Variants in ANKRD12 observed in about 807,000 individuals in gnomAD.
The protein encoded by ANKRD12 is ankyrin repeat domain 12.
Under a neutral mutation model 183.4 loss-of-function variants are expected in ANKRD12, and 85 were observed. That is an observed-to-expected ratio of 0.46 (90% CI 0.39 to 0.56). The LOEUF is 0.56. Ranked by LOEUF, ANKRD12 falls within the 20% of genes least tolerant of loss-of-function variation. The probability of loss-of-function intolerance (pLI) is 0.00; values close to 1 mark genes in which losing one functional copy is unlikely to be tolerated. For missense variants in ANKRD12, 2,405 were observed against 2,357.1 expected, an observed-to-expected ratio of 1.02 and a Z score of -0.42; for synonymous variants, 914 against 800.2, an observed-to-expected ratio of 1.14 and a Z score of -2.40.
chr18:9,233,488 T>C (rs947445510), intron 8 of ANKRD12, among the ~76,000 whole-genome samples: 1 of 152,122 alleles, frequency 6.6e-6, no homozygotes, highest in African/African-American at 2.4e-5. Context: ...TCTTTTTTCA[T>C]GTTTCCTTTT....
rs1217023823 is a variant in ANKRD12 at position 9,256,332 on chromosome 18, A to C, written c.3065A>C (p.Lys1022Thr). 1 of 1,589,728 alleles carries C rather than the reference A, an allele frequency of 6.3e-7. No homozygotes were observed. Among genetic ancestry groups the C allele is most frequent in the Admixed American group, 1.8e-5 (1 of 54,994 alleles). The change falls in exon 9 of 13, where the codon AAA becomes ACA. Residue 1022 changes from lysine to threonine, a missense_variant. Coordinates refer to ENST00000262126, the MANE Select transcript of ANKRD12 (RefSeq NM_015208.5). The stretch of plus-strand genomic sequence containing the variant: ...GGAAAAGAAAAAGATAAAAAAGATA[A>C]AGATATAGATAGATACAAAGAACGA... The part of the protein sequence containing the change: ...PDGKEKDKKD[K>T]DIDRYKERDK...
chr18:9,255,138 T>TA lies in ANKRD12; in HGVS notation c.1874dup (p.Asp626GlyfsTer2). The TA allele has an allele frequency of 6.3e-7, 1 of 1,581,044 alleles. No individual in the cohort carries two copies. Among genetic ancestry groups the TA allele is most frequent in the Non-Finnish European group, 8.6e-7 (1 of 1,169,444 alleles). ...TTTGGTGAAAAATCAAATGCCAAAATAAAGGATGAAGATCATAGTCCAACA... is the reference window on the plus strand; with the variant it reads ...TTTGGTGAAAAATCAAATGCCAAAATAAAAGGATGAAGATCATAGTCCAACA... On this transcript the variant is annotated frameshift_variant, in exon 9 of 13. Transcript: ENST00000262126. LOFTEE classifies it high-confidence loss of function.
chr18:9,149,790 TA>T (rs869261920), intron 1 of ANKRD12, among the ~76,000 whole-genome samples: 1 of 98,848 alleles, frequency 1.0e-5, no homozygotes, highest in East Asian at 2.8e-4. Flanking sequence ...ATTTATTTAT[TA>T]AATTTTATTT....
At chr18:9,226,815 T>A (rs770443476) in intron 8 of ANKRD12, among the ~76,000 whole-genome samples, 3 of 152,102 alleles carry the variant, frequency 2.0e-5, no homozygotes, top group South Asian at 2.1e-4. Context: ...TCATGAGAAA[T>A]GCTCTTTTTT....
intron 1 of ANKRD12, among the ~76,000 whole-genome samples, chr18:9,140,777 G>A (rs954491808): frequency 5.9e-5 from 9 of 152,252 alleles, no homozygotes; most frequent in Middle Eastern, 3.4e-3. Flanking sequence ...ACCAACCTCA[G>A]TATTGTAGTA....
At chr18:9,225,042 G>A (rs1334128508) in intron 8 of ANKRD12, among the ~76,000 whole-genome samples, 2 of 151,624 alleles carry the variant, frequency 1.3e-5, no homozygotes, top group East Asian at 3.9e-4. Flanking sequence ...ATTAGAGCAA[G>A]CTCCTGCCTC....
chr18:9,180,717 T>C (rs899262410), intron 1 of ANKRD12, among the ~76,000 whole-genome samples: 1 of 152,210 alleles, frequency 6.6e-6, no homozygotes, highest in African/African-American at 2.4e-5. Context: ...AATCCAATTG[T>C]GATTTTTATT....
chr18:9,256,013 C>T lies in ANKRD12; in HGVS notation c.2746C>T (p.Pro916Ser), dbSNP rs551699901. Reference protein sequence around the residue: ...KMDRKHDKEKPEKERHLAESK... With the variant: ...KMDRKHDKEKSEKERHLAESK... ...GGATAGGAAACATGACAAAGAAAAG[C>T]CTGAAAAAGAGAGGCATCTAGCAGA... The change falls in exon 9 of 13, where the codon CCT becomes TCT. Residue 916 changes from proline (P) to serine (S), a missense_variant. Coordinates refer to ENST00000262126, the MANE Select transcript of ANKRD12 (RefSeq NM_015208.5). 1.6e-5 allele frequency: 25 copies of T among 1,546,880 alleles called. 1 individual carries two copies. The Admixed American group carries it at 5.0e-4, about 31-fold the overall frequency.
chr18:9,284,376 T>C lies in ANKRD12; in HGVS notation c.*3250T>C, dbSNP rs1001860260. 6.6e-6 allele frequency: 1 copy of C among 152,126 alleles called. No homozygotes were observed. The highest frequency in any genetic ancestry group is 1.5e-5 in the Non-Finnish European group (1 of 68,002). 9.4% of individuals were successfully genotyped at this position (152,126 alleles called of 1,614,324 possible). ...TTTAGAAATTGAGTGCAGACCTAAA[T>C]ACATAGTTTTCCAAAAAGAAAATTA... On this transcript the variant is annotated 3_prime_UTR_variant, in exon 13 of 13. Transcript: ENST00000262126.
intron 8 of ANKRD12, among the ~76,000 whole-genome samples, chr18:9,243,986 A>G (rs1452962131): frequency 2.0e-5 from 3 of 152,252 alleles, no homozygotes. Flanking sequence ...ACTAATAAAT[A>G]CAAAGAAAAA....
At chr18:9,203,589 G>A (rs1016317521) in intron 3 of ANKRD12, among the ~76,000 whole-genome samples, 12 of 151,810 alleles carry the variant, frequency 7.9e-5, no homozygotes, top group Non-Finnish European at 1.5e-4. Context: ...ATATATGTGT[G>A]TGTGTGTATA....
intron 2 of ANKRD12, among the ~76,000 whole-genome samples, chr18:9,191,810 T>TTGTGGTTTGTGAGAGTG (rs1363606140): frequency 6.6e-6 from 1 of 152,142 alleles, no homozygotes; most frequent in African/African-American, 2.4e-5. Context: ...CCAACTTTGT[T>TTGTGGTTTGTGAGAGTG]GGGCTCTCAC....
At position 9,283,326 on chromosome 18, in the gene ANKRD12, C is replaced by T. The variant is rs1179558651; in HGVS notation, c.*2200C>T. ...ATTTTAGTCATCCCAGCTTTTTAGT[C>T]TTAACCACAGTTCTCACTCTCTTAA... On this transcript the variant is annotated 3_prime_UTR_variant, in exon 13 of 13. Coordinates refer to ENST00000262126, the MANE Select transcript of ANKRD12 (RefSeq NM_015208.5). 2 of 152,160 alleles carry T rather than the reference C, an allele frequency of 1.3e-5. No homozygotes were observed. The highest frequency in any genetic ancestry group is 2.9e-5 in the Non-Finnish European group (2 of 68,016). 9.4% of individuals were successfully genotyped at this position (152,160 alleles called of 1,614,324 possible).
At chr18:9,204,954 G>A (rs904152175) in intron 4 of ANKRD12, among the ~76,000 whole-genome samples, 20 of 152,106 alleles carry the variant, frequency 1.3e-4, no homozygotes, top group South Asian at 4.1e-4. Flanking sequence ...TCATCTTACC[G>A]TTTAGTCATG....
chr18:9,196,106 C>T, intron 3 of ANKRD12, among the ~76,000 whole-genome samples: 1 of 48,512 alleles, frequency 2.1e-5, no homozygotes, highest in Admixed American at 2.8e-4. Context: ...TAGAAACATG[C>T]AAACACACAC....
Position 9,257,610 on chromosome 18 carries a change from T to C in ANKRD12, c.4343T>C (p.Leu1448Pro). 1 of 1,614,050 alleles carries C rather than the reference T, an allele frequency of 6.2e-7. No individual in the cohort carries two copies. The highest frequency in any genetic ancestry group is 1.1e-5 in the South Asian group (1 of 91,080). ...NSNIPDQESS[L>P]QSFCNSENKV... is the part of the protein sequence containing the mutation. ...AACATACCTGATCAAGAATCCTCTC[T>C]TCAGAGTTTTTGTAATTCTGAAAAT... is the stretch of plus-strand genomic sequence containing the variant. The change falls in exon 9 of 13, where the codon CTT becomes CCT. Residue 1448 changes from leucine to proline, a missense_variant. Coordinates refer to ENST00000262126, the MANE Select transcript of ANKRD12 (RefSeq NM_015208.5).
chr18:9,239,441 T>A, intron 8 of ANKRD12: 1 of 996,596 alleles, frequency 1.0e-6, no homozygotes, highest in Non-Finnish European at 1.4e-6. Context: ...ATCTTGATTG[T>A]TTCATGTGTT....
chr18:9,229,392 C>A (rs1414721935), intron 8 of ANKRD12, among the ~76,000 whole-genome samples: 1 of 152,126 alleles, frequency 6.6e-6, no homozygotes, highest in Non-Finnish European at 1.5e-5. Context: ...GCAGCTTGGT[C>A]ACTGTAATGA....
intron 8 of ANKRD12, among the ~76,000 whole-genome samples, chr18:9,245,548 G>A (rs538481537): frequency 1.7e-4 from 26 of 152,098 alleles, no homozygotes; most frequent in Non-Finnish European, 3.4e-4. Context: ...TATATTAATA[G>A]TTTATAGGTA....
Sources: allele counts gnomAD v4.1 joint callset (sites outside exome capture counted in the v4.1 genomes callset), GRCh38; gene constraint gnomAD v4.1.1; transcripts MANE v1.5; gene names NCBI Gene and HGNC (gene_info 2026-07-23, HGNC 2026-07-21).